Variants in FAM168A observed in about 807,000 individuals in gnomAD.
The protein encoded by FAM168A is family with sequence similarity 168 member A.
Under a neutral mutation model 28.5 loss-of-function variants are expected in FAM168A, and 3 were observed. That is an observed-to-expected ratio of 0.11 (90% CI 0.05 to 0.27). FAM168A has a LOEUF of 0.27. Among genes scored for constraint, FAM168A ranks in the 10% least tolerant of loss-of-function variants. FAM168A has a pLI of 1.00. For missense variants in FAM168A, 222 were observed against 311.5 expected (o/e 0.71, Z 2.16); for synonymous variants, 122 against 124.2 (o/e 0.98, Z 0.12).
At chr11:73,412,316 A>T (rs1191544664) in intron 4 of FAM168A, 1 of 152,216 alleles carries the variant, frequency 6.6e-6, no homozygotes, top group Non-Finnish European at 1.5e-5. Flanking sequence ...GAAGTCAGGG[A>T]TCACAAAGAT....
intron 2 of FAM168A, among the ~76,000 whole-genome samples, chr11:73,453,568 G>T (rs963693594): frequency 6.6e-6 from 1 of 152,186 alleles, no homozygotes; most frequent in Non-Finnish European, 1.5e-5. Context: ...ACATTTAAAA[G>T]GTTCTTCCAG....
chr11:73,557,467 C>T (rs1710364620), intron 1 of FAM168A, among the ~76,000 whole-genome samples: 1 of 151,936 alleles, frequency 6.6e-6, no homozygotes, highest in East Asian at 1.9e-4. Context: ...TGAGCTCAAG[C>T]GATCCTCCTG....
intron 6 of FAM168A, among the ~76,000 whole-genome samples, chr11:73,407,935 G>A (rs912416390): frequency 3.3e-5 from 5 of 152,210 alleles, no homozygotes; most frequent in Admixed American, 6.5e-5. Context: ...GCAATGGCGC[G>A]ATCTCAGCTC....
At chr11:73,524,068 T>C (rs1266608245) in intron 1 of FAM168A, among the ~76,000 whole-genome samples, 3 of 152,142 alleles carry the variant, frequency 2.0e-5, no homozygotes, top group Non-Finnish European at 2.9e-5. Flanking sequence ...GGTATAGAAT[T>C]ATAGCTTGAA....
chr11:73,543,002 T>C (rs951122176), intron 1 of FAM168A, among the ~76,000 whole-genome samples: 1 of 152,188 alleles, frequency 6.6e-6, no homozygotes, highest in African/African-American at 2.4e-5. Flanking sequence ...CCTCAAATTA[T>C]CAATATGACT....
intron 1 of FAM168A, among the ~76,000 whole-genome samples, chr11:73,567,203 G>GT (rs1944031272): frequency 6.6e-6 from 1 of 152,168 alleles, no homozygotes; most frequent in South Asian, 2.1e-4. Context: ...TAAGGTGATA[G>GT]TATCTATACA....
chr11:73,543,135 G>A (rs946832015), intron 1 of FAM168A, among the ~76,000 whole-genome samples: 2 of 150,768 alleles, frequency 1.3e-5, no homozygotes, highest in Non-Finnish European at 2.9e-5. Flanking sequence ...TACACTGCCT[G>A]TTTTTTTCTA....
At chr11:73,491,112 C>T (rs1054477771) in intron 1 of FAM168A, among the ~76,000 whole-genome samples, 1 of 152,098 alleles carries the variant, frequency 6.6e-6, no homozygotes, top group Non-Finnish European at 1.5e-5. Context: ...CATAATAATC[C>T]TGAGCCTTCC....
intron 1 of FAM168A, among the ~76,000 whole-genome samples, chr11:73,475,560 T>C (rs867864577): frequency 6.6e-6 from 1 of 151,756 alleles, no homozygotes; most frequent in African/African-American, 2.4e-5. Context: ...CCAAAAGTAA[T>C]AGAAGGAGGT....
At chr11:73,407,678 G>C in intron 6 of FAM168A, 35 bp from the exon 7 acceptor site, 1 of 1,544,606 alleles carries the variant, frequency 6.5e-7, no homozygotes, top group Non-Finnish European at 8.9e-7. Context: ...AACCTGACGA[G>C]GCTGCACCAG....
intron 2 of FAM168A, among the ~76,000 whole-genome samples, chr11:73,455,830 G>A (rs1408866258): frequency 6.6e-6 from 1 of 152,188 alleles, no homozygotes; most frequent in African/African-American, 2.4e-5. Context: ...CTACTGGAGG[G>A]GAAGAGAGCA....
intron 2 of FAM168A, among the ~76,000 whole-genome samples, chr11:73,435,336 C>T (rs1867068775): frequency 6.6e-6 from 1 of 152,208 alleles, no homozygotes; most frequent in Non-Finnish European, 1.5e-5. Flanking sequence ...CTGTACTCAG[C>T]TTCATGTGAG....
intron 6 of FAM168A, 62 bp from the exon 7 acceptor site, chr11:73,407,705 G>A: frequency 7.3e-7 from 1 of 1,378,812 alleles, no homozygotes; most frequent in Non-Finnish European, 1.0e-6. Flanking sequence ...GAATGAAGAG[G>A]ATGAAGCTAC....
At chr11:73,453,783 A>T (rs1413110282) in intron 2 of FAM168A, among the ~76,000 whole-genome samples, 1 of 152,238 alleles carries the variant, frequency 6.6e-6, no homozygotes, top group Non-Finnish European at 1.5e-5. Context: ...AACCATTCCA[A>T]TGAGAATCTA....
chr11:73,457,394 A>G (rs970199349), intron 2 of FAM168A, among the ~76,000 whole-genome samples: 6 of 143,530 alleles, frequency 4.2e-5, no homozygotes, highest in Admixed American at 2.1e-4. Context: ...CATCTCGTTT[A>G]AAAAAAAAAA....
In FAM168A at chr11:73,409,548, G is replaced by A. The variant is rs760366731; in HGVS notation, c.534C>T (p.Ala178=). 3 of 1,613,920 alleles carry A rather than the reference G, an allele frequency of 1.9e-6. No individual in the cohort carries two copies. Among genetic ancestry groups the A allele is most frequent in the African/African-American group, 1.3e-5 (1 of 74,942 alleles). The part of the protein sequence containing the change: ...PSAIYPAPVA[A]PRTNGVAMGM... ...CCATGGCCACACCGTTGGTCCTCGG[G>A]GCGGCAACAGGTGCTGGGTAGATAG... The change falls in exon 6 of 8, where the codon GCC becomes GCT. Residue 178 remains alanine, a synonymous_variant. Transcript: ENST00000356467.
chr11:73,413,152 T>C (rs1866642244), intron 4 of FAM168A, among the ~76,000 whole-genome samples: 1 of 152,136 alleles, frequency 6.6e-6, no homozygotes, highest in African/African-American at 2.4e-5. Flanking sequence ...TCACACCTCT[T>C]TGGCTTAGCA....
rs1407359140 is a variant in FAM168A at position 73,514,084 on chromosome 11, C to G, written c.-18-45592G>C. Among the ~76,000 whole-genome samples the G allele has an allele frequency of 3.3e-5, 5 of 151,992 alleles. No homozygotes were observed. In the South Asian group the frequency reaches 1.0e-3, roughly 32 times the overall value. The stretch of plus-strand genomic sequence containing the variant: ...CCTGTAGTCCCAGTTACTCAGGAGG[C>G]TGAGGCTGCAGTGAGCCATGATCAC... On this transcript the variant is annotated intron_variant, in intron 1 of 7. Transcript: ENST00000356467.
intron 2 of FAM168A, among the ~76,000 whole-genome samples, chr11:73,451,094 C>G (rs551957792): frequency 6.6e-6 from 1 of 152,262 alleles, no homozygotes; most frequent in African/African-American, 2.4e-5. Flanking sequence ...ATTCTGAGAA[C>G]CCCTTCATGG....
Sources: allele counts gnomAD v4.1 joint callset (sites outside exome capture counted in the v4.1 genomes callset), GRCh38; gene constraint gnomAD v4.1.1; transcripts MANE v1.5; gene names NCBI Gene and HGNC (gene_info 2026-07-23, HGNC 2026-07-21).